PIGL: variants seen among roughly 807,000 people sequenced by gnomAD.
The protein encoded by PIGL is phosphatidylinositol glycan anchor biosynthesis class L.
PIGL carries 22 observed loss-of-function variants against 31.1 expected under a neutral mutation model. The ratio of observed to expected loss-of-function variants is 0.71; its 90% CI spans 0.51 to 1.01. The LOEUF is 1.01. PIGL is among the 50% of genes least tolerant of loss of function. PIGL has a pLI of 0.00. For missense variants in PIGL, 302 were observed against 315.9 expected, an observed-to-expected ratio of 0.96 and a Z score of 0.33; for synonymous variants, 131 against 117.4, an observed-to-expected ratio of 1.12 and a Z score of -0.75.
chr17:16,310,055 G>T (rs1198081520), intron 3 of PIGL, among the ~76,000 whole-genome samples: 14 of 130,532 alleles, frequency 1.1e-4, no homozygotes, highest in Non-Finnish European at 2.2e-4. Flanking sequence ...TCTAGCTTGG[G>T]CAACAGAGTG....
At chr17:16,313,377 A>C (rs1048414050) in intron 3 of PIGL, among the ~76,000 whole-genome samples, 170 bp from the exon 4 acceptor site, 3 of 152,262 alleles carry the variant, frequency 2.0e-5, no homozygotes, top group African/African-American at 4.8e-5. Context: ...TATGTGGTCA[A>C]CCACAGCACT....
rs768198327 is a variant in PIGL, at chr17:16,317,909, G to A, written c.660+1G>A. ...CAGCAAAGAAGTGGCACAGGCCAAGGTGAGGATTGTAAATTCCTGGACACC... is the reference window on the plus strand; with the variant it reads ...CAGCAAAGAAGTGGCACAGGCCAAGATGAGGATTGTAAATTCCTGGACACC... On this transcript the variant is annotated splice_donor_variant, in intron 6 of 6. Transcript: ENST00000225609. LOFTEE classifies it high-confidence loss of function. 2 of 1,611,300 alleles carry A rather than the reference G, an allele frequency of 1.2e-6. No individual in the cohort carries two copies. The highest frequency in any genetic ancestry group is 2.2e-5 in the East Asian group (1 of 44,842).
chr17:16,318,606 C>A lies in PIGL; in HGVS notation c.660+698C>A, dbSNP rs145817854. ...TATATATATAATGTGTATGTGTATA[C>A]ACATTTCAAATGGGATCACACAGTG... On this transcript the variant is annotated intron_variant, in intron 6 of 6. Coordinates refer to ENST00000225609, the MANE Select transcript of PIGL (RefSeq NM_004278.4). 6.3e-3 allele frequency among the ~76,000 whole-genome samples: 962 copies of A among 151,990 alleles called. 12 individuals are homozygous for A. The highest frequency in any genetic ancestry group is 0.022 in the African/African-American group (915 of 41,462).
chr17:16,224,833 T>G (rs2092644953), intron 1 of PIGL, among the ~76,000 whole-genome samples: 1 of 152,080 alleles, frequency 6.6e-6, no homozygotes, highest in East Asian at 1.9e-4. Flanking sequence ...ATTTTTTGTA[T>G]TTTTAGCAGA....
At chr17:16,281,492 A>G (rs1272945137) in intron 2 of PIGL, among the ~76,000 whole-genome samples, 2 of 152,220 alleles carry the variant, frequency 1.3e-5, no homozygotes, top group Admixed American at 6.5e-5. Context: ...AACATTCATA[A>G]TAACTAAGGC....
At chr17:16,239,543 G>A (rs772299453) in intron 2 of PIGL, among the ~76,000 whole-genome samples, 22 of 152,042 alleles carry the variant, frequency 1.4e-4, no homozygotes, top group Non-Finnish European at 2.8e-4. Flanking sequence ...GGTGAGCTGT[G>A]AACAAATTAG....
At chr17:16,257,045 G>A (rs751875446) in intron 2 of PIGL, among the ~76,000 whole-genome samples, 3 of 152,084 alleles carry the variant, frequency 2.0e-5, no homozygotes, top group Non-Finnish European at 1.5e-5. Flanking sequence ...AGGCCGCAAT[G>A]AGCCATGCAC....
At chr17:16,289,038 A>G (rs565559332) in intron 2 of PIGL, among the ~76,000 whole-genome samples, 3 of 152,308 alleles carry the variant, frequency 2.0e-5, no homozygotes, top group Admixed American at 6.5e-5. Context: ...GGTGCAAGGT[A>G]CAACCTTACC....
intron 2 of PIGL, among the ~76,000 whole-genome samples, chr17:16,279,420 T>C (rs2092908071): frequency 6.6e-6 from 1 of 152,372 alleles, no homozygotes; most frequent in East Asian, 1.9e-4. Context: ...CTGTGACTTC[T>C]AAATGAATGC....
chr17:16,279,220 A>G (rs914803345), intron 2 of PIGL, among the ~76,000 whole-genome samples: 1 of 152,278 alleles, frequency 6.6e-6, no homozygotes, highest in Non-Finnish European at 1.5e-5. Context: ...TGCCCAAGAA[A>G]GAATTCAAGG....
intron 2 of PIGL, among the ~76,000 whole-genome samples, chr17:16,261,989 A>G (rs924386829): frequency 5.3e-5 from 8 of 151,828 alleles, no homozygotes; most frequent in African/African-American, 1.7e-4. Context: ...TTGGGAGGCC[A>G]AGGCCGGCAG....
intron 2 of PIGL, among the ~76,000 whole-genome samples, chr17:16,234,461 G>C (rs1157648235): frequency 4.0e-5 from 6 of 149,918 alleles, no homozygotes; most frequent in African/African-American, 1.5e-4. Flanking sequence ...GAAAAGAAAA[G>C]TCTACATAAA....
intron 2 of PIGL, among the ~76,000 whole-genome samples, chr17:16,252,219 A>G (rs2092775798): frequency 6.6e-6 from 1 of 151,926 alleles, no homozygotes; most frequent in African/African-American, 2.4e-5. Flanking sequence ...GATTACAGGC[A>G]CATGCCAACA....
At chr17:16,247,499 G>A (rs149517830) in intron 2 of PIGL, among the ~76,000 whole-genome samples, 1 of 152,306 alleles carries the variant, frequency 6.6e-6, no homozygotes, top group African/African-American at 2.4e-5. Context: ...GGGAGAAATG[G>A]GTGACAGGCC....
chr17:16,222,141 A>G lies in PIGL; in HGVS notation c.235+4680A>G, dbSNP rs909302264. Among the ~76,000 whole-genome samples the G allele has an allele frequency of 2.6e-5, 4 of 152,174 alleles. No individual in the cohort carries two copies. In the East Asian group the frequency reaches 7.7e-4, roughly 29 times the overall value. The stretch of plus-strand genomic sequence containing the variant: ...CTGATTTAACATTTTAATATAAAAA[A>G]CAGGAAGCTATTAATTTGTAATGTA... On this transcript the variant is annotated intron_variant, in intron 1 of 6. Coordinates refer to ENST00000225609, the MANE Select transcript of PIGL (RefSeq NM_004278.4).
chr17:16,241,872 A>G (rs1387686791), intron 2 of PIGL, among the ~76,000 whole-genome samples: 1 of 152,174 alleles, frequency 6.6e-6, no homozygotes, highest in Non-Finnish European at 1.5e-5. Flanking sequence ...TAATGATTGT[A>G]AAGATTTAAT....
intron 3 of PIGL, among the ~76,000 whole-genome samples, chr17:16,304,489 G>C (rs2093018533): frequency 6.6e-6 from 1 of 152,196 alleles, no homozygotes; most frequent in South Asian, 2.1e-4. Flanking sequence ...TGGGTGCAAT[G>C]GCTCATGCCT....
intron 6 of PIGL, among the ~76,000 whole-genome samples, chr17:16,325,174 C>T (rs1304146008): frequency 6.6e-6 from 1 of 151,752 alleles, no homozygotes; most frequent in Non-Finnish European, 1.5e-5. Flanking sequence ...TGAAACCCTG[C>T]CTCTACTAAA....
intron 6 of PIGL, among the ~76,000 whole-genome samples, chr17:16,320,231 AAGGAAGGAAGGAAGGAAG>A (rs1568848047): frequency 1.9e-4 from 21 of 111,144 alleles, no homozygotes; most frequent in African/African-American, 7.6e-4. Flanking sequence ...GGAAGGAAGG[AAGGAAGGAAGGAAGGAAG>A]GAAAGGAGGG....
Sources: gnomAD v4.1 joint callset for allele counts (sites outside exome capture counted in the v4.1 genomes callset) on GRCh38, gnomAD v4.1.1 for gene constraint, MANE v1.5 for transcripts, NCBI Gene and HGNC (gene_info 2026-07-23, HGNC 2026-07-21) for gene names.